The following AGMO variants were observed in gnomAD, a reference collection of about 807,000 sequenced individuals.
AGMO encodes glyceryl-ether monooxygenase.
In AGMO, 75 loss-of-function variants were observed where a neutral mutation model predicts 60.2. The observed-to-expected ratio is 1.25, with a 90% confidence interval of 1.03 to 1.51. The LOEUF is 1.51. AGMO is among the 40% of genes most tolerant of loss of function. The pLI is 0.00. For missense variants in AGMO, 763 were observed against 525.5 expected, an observed-to-expected ratio of 1.45 and a Z score of -4.42; for synonymous variants, 261 against 177.1, an observed-to-expected ratio of 1.47 and a Z score of -3.76.
chr7:15,178,786 T>C, the AGMO span, among the ~76,000 whole-genome samples: 38 of 152,294 alleles, frequency 2.5e-4, no homozygotes, highest in African/African-American at 8.7e-4. Flanking sequence ...CACAGAATAC[T>C]ACAGTCTGGT....
chr7:15,537,160 A>G (rs1784503582), intron 3 of AGMO, among the ~76,000 whole-genome samples: 1 of 151,928 alleles, frequency 6.6e-6, no homozygotes, highest in African/African-American at 2.4e-5. Context: ...CTTCCATCTT[A>G]CTTTATTTGA....
At chr7:15,531,174 C>CTG (rs796335594) in intron 3 of AGMO, among the ~76,000 whole-genome samples, 316 of 19,740 alleles carry the variant, frequency 0.016, 46 homozygotes, top group African/African-American at 0.061. Flanking sequence ...TATATATATT[C>CTG]TATATATTCT....
intron 10 of AGMO, among the ~76,000 whole-genome samples, chr7:15,373,046 T>C (rs2128566725): frequency 6.6e-6 from 1 of 152,242 alleles, no homozygotes; most frequent in Non-Finnish European, 1.5e-5. Context: ...GGCAATTCAC[T>C]TGAGGCCAGG....
intron 12 of AGMO, among the ~76,000 whole-genome samples, chr7:15,235,912 A>G (rs1257561826): frequency 6.6e-6 from 1 of 152,200 alleles, no homozygotes; most frequent in Non-Finnish European, 1.5e-5. Context: ...GAAATTCTAC[A>G]GAAATTCCCC....
intron 3 of AGMO, among the ~76,000 whole-genome samples, chr7:15,539,269 A>AT (rs1032068242): frequency 1.3e-5 from 2 of 152,076 alleles, no homozygotes; most frequent in Admixed American, 6.6e-5. Flanking sequence ...CCTGATAGGT[A>AT]TTTTTTTGTG....
At chr7:15,371,138 C>CTAA (rs1414952616) in intron 10 of AGMO, among the ~76,000 whole-genome samples, 2 of 152,038 alleles carry the variant, frequency 1.3e-5, no homozygotes, top group African/African-American at 2.4e-5. Flanking sequence ...AGATTTGAAC[C>CTAA]TAAGACCTCA....
intron 8 of AGMO, 107 bp downstream of exon 8, chr7:15,390,564 T>C (rs1027864772): frequency 1.3e-6 from 1 of 766,760 alleles, no homozygotes; most frequent in African/African-American, 1.8e-5. Context: ...AAAAATTTTT[T>C]CAGGTTAGTG....
At chr7:15,536,315 C>T (rs981908652) in intron 3 of AGMO, among the ~76,000 whole-genome samples, 11 of 151,752 alleles carry the variant, frequency 7.2e-5, no homozygotes, top group African/African-American at 2.7e-4. Context: ...TTTTTTTTAC[C>T]ACTATACTTG....
intron 12 of AGMO, among the ~76,000 whole-genome samples, chr7:15,293,713 T>A (rs1784337499): frequency 6.6e-6 from 1 of 152,192 alleles, no homozygotes; most frequent in Admixed American, 6.5e-5. Flanking sequence ...GCCTAATTCT[T>A]TGTATTTTTG....
intron 12 of AGMO, among the ~76,000 whole-genome samples, chr7:15,351,550 A>C (rs1782243647): frequency 1.3e-5 from 2 of 152,182 alleles, no homozygotes; most frequent in South Asian, 4.1e-4. Flanking sequence ...GAAGGATATC[A>C]TGTGCGTATC....
intron 12 of AGMO, among the ~76,000 whole-genome samples, chr7:15,269,871 T>C (rs1024906791): frequency 6.6e-6 from 1 of 152,072 alleles, no homozygotes; most frequent in African/African-American, 2.4e-5. Flanking sequence ...ATTGGAATTT[T>C]TGCTTCTGAG....
chr7:15,355,696 GAATT>G (rs1488260172), intron 12 of AGMO, among the ~76,000 whole-genome samples: 1 of 151,990 alleles, frequency 6.6e-6, no homozygotes, highest in African/African-American at 2.4e-5. Context: ...ATGTCTATCT[GAATT>G]AATAATAATG....
intron 12 of AGMO, among the ~76,000 whole-genome samples, chr7:15,285,516 G>A (rs1784076748): frequency 6.6e-6 from 1 of 151,962 alleles, no homozygotes; most frequent in Non-Finnish European, 1.5e-5. Context: ...ACTTAAACAA[G>A]GAGGTGAAAG....
intron 3 of AGMO, among the ~76,000 whole-genome samples, chr7:15,534,727 A>G (rs1784447891): frequency 1.3e-5 from 2 of 151,854 alleles, no homozygotes; most frequent in Admixed American, 1.3e-4. Context: ...ATACACAAAT[A>G]TATTATATCT....
intron 12 of AGMO, among the ~76,000 whole-genome samples, chr7:15,300,371 T>C (rs1027450430): frequency 2.0e-5 from 3 of 152,170 alleles, no homozygotes; most frequent in African/African-American, 7.2e-5. Flanking sequence ...TTTGGGTATG[T>C]TGAACATCAA....
intron 12 of AGMO, among the ~76,000 whole-genome samples, chr7:15,213,749 G>A (rs1220801350): frequency 6.6e-6 from 1 of 151,928 alleles, no homozygotes; most frequent in African/African-American, 2.4e-5. Flanking sequence ...ACAAAGTTAG[G>A]ATAGACAAAA....
chr7:15,382,351 G>A (rs1235737360), intron 10 of AGMO, among the ~76,000 whole-genome samples: 7 of 152,054 alleles, frequency 4.6e-5, no homozygotes, highest in Admixed American at 2.6e-4. Context: ...TACGAGGAAT[G>A]TGCTCGGGGG....
chr7:15,287,288 T>A (rs949079500), intron 12 of AGMO, among the ~76,000 whole-genome samples: 19 of 152,262 alleles, frequency 1.2e-4, no homozygotes, highest in Admixed American at 9.8e-4. Context: ...TATCAAAAAA[T>A]TTGGGACAAG....
chr7:15,145,879 G>A, the AGMO span, among the ~76,000 whole-genome samples: 1 of 152,184 alleles, frequency 6.6e-6, no homozygotes, highest in African/African-American at 2.4e-5. Context: ...ATCTTCAAAT[G>A]TTTGGTATAG....
Sources: allele counts gnomAD v4.1 joint callset (sites outside exome capture counted in the v4.1 genomes callset), GRCh38; gene constraint gnomAD v4.1.1; transcripts MANE v1.5; gene names NCBI Gene and HGNC (gene_info 2026-07-23, HGNC 2026-07-21).